The following RDH14 variants were observed in gnomAD, a reference collection of about 807,000 sequenced individuals.
RDH14 encodes retinol dehydrogenase 14.
A neutral mutation model predicts 19.3 loss-of-function variants in RDH14; 17 were observed. The observed-to-expected ratio is 0.88, with a 90% CI of 0.60 to 1.32. The LOEUF (loss-of-function observed/expected upper bound fraction) is 1.32, where lower values mean the gene tolerates loss of function less well. Ranked by LOEUF, RDH14 falls within the 40% of genes most tolerant of loss-of-function variation. The pLI is 0.00. For synonymous variants in RDH14, 215 were observed against 188.9 expected (o/e 1.14, Z -1.13); for missense variants, 534 against 449.2 (o/e 1.19, Z -1.71).
chr2:18,555,410 G>C lies in RDH14; in HGVS notation c.792C>G (p.Val264=), dbSNP rs371846340. 2.0e-5 allele frequency: 33 copies of C among 1,614,122 alleles called. No homozygotes were observed. In the African/African-American group the frequency reaches 3.6e-4, roughly 18 times the overall value. ...LGRHIHIPLL[V]KPLFNLVSWA... ...ATGACACCAAATTGAAGAGTGGTTT[G>C]ACCAACAGTGGAATGTGTATGTGCC... is the stretch of plus-strand genomic sequence containing the variant. Residue 264 remains valine (V), a synonymous_variant, in exon 2 of 2, where the codon GTC becomes GTG. Coordinates refer to ENST00000381249, the MANE Select transcript of RDH14 (RefSeq NM_020905.4).
chr2:18,560,018 G>C (rs1051912821), intron 1 of RDH14, among the ~76,000 whole-genome samples, 162 bp downstream of exon 1: 1 of 152,050 alleles, frequency 6.6e-6, no homozygotes, highest in Non-Finnish European at 1.5e-5. Flanking sequence ...GCAGCTTCCC[G>C]GCCGCCTCAA....
Position 18,560,277 on chromosome 2 carries a change from G to C in RDH14, c.296C>G (p.Pro99Arg), listed in dbSNP as rs912095346. The change falls in exon 1 of 2, where the codon CCA (proline) becomes CGA (arginine). Residue 99 changes from proline (P) to arginine (R), a missense_variant. Coordinates refer to ENST00000381249, the MANE Select transcript of RDH14 (RefSeq NM_020905.4). Reference protein sequence around the residue: ...RELRQAAECGPEPGVSGVGEL... With the variant: ...RELRQAAECGREPGVSGVGEL... ...GCCCACCCCGCTGACGCCAGGCTCT[G>C]GGCCGCACTCCGCGGCCTGGCGGAG... 1 of 1,500,106 alleles carries C rather than the reference G, an allele frequency of 6.7e-7. No individual in the cohort carries two copies. The highest frequency in any genetic ancestry group is 8.8e-7 in the Non-Finnish European group (1 of 1,132,406). 92.9% of individuals were successfully genotyped at this position (1,500,106 alleles called of 1,614,324 possible).
chr2:18,559,311 CCTCA>C (rs1238933081), intron 1 of RDH14, among the ~76,000 whole-genome samples: 2 of 152,210 alleles, frequency 1.3e-5, no homozygotes, highest in African/African-American at 4.8e-5. Context: ...AATCCTCACA[CCTCA>C]CTGCCAGGCA....
rs371317103 is a variant in RDH14, at chr2:18,559,394, T to G, written c.393+786A>C. 7.9e-4 allele frequency among the ~76,000 whole-genome samples: 121 copies of G among 152,346 alleles called. No individual in the cohort carries two copies. The South Asian group carries it at 0.015, about 19-fold the overall frequency. On this transcript the variant is annotated intron_variant, in intron 1 of 1. Transcript: ENST00000381249. ...AGACCACAAGCAAGTTTCTTAGCCTTCCTATGCCTCAGTTTCCTCGCGTTG... is the reference window on the plus strand; with the variant it reads ...AGACCACAAGCAAGTTTCTTAGCCTGCCTATGCCTCAGTTTCCTCGCGTTG...
chr2:18,560,158 C>T (rs1203239781), intron 1 of RDH14, 22 bp downstream of exon 1: 1 of 1,522,892 alleles, frequency 6.6e-7, no homozygotes, highest in East Asian at 2.5e-5. Flanking sequence ...TCCCCACCAG[C>T]CCGGCCCCCC....
At chr2:18,558,221 C>G (rs932655363) in intron 1 of RDH14, among the ~76,000 whole-genome samples, 2 of 152,200 alleles carry the variant, frequency 1.3e-5, no homozygotes, top group African/African-American at 4.8e-5. Context: ...CAATCTGATT[C>G]CAAGGTTTCA....
rs1663982785 is a variant in RDH14 at position 18,558,422 on chromosome 2, C to T, written c.393+1758G>A. On this transcript the variant is annotated intron_variant, in intron 1 of 1. Transcript: ENST00000381249. ...ATCTCAGAACCCAAAATCACTAAGT[C>T]AAAGGTTAAAGTCAAGCTGGGAACT... Among the ~76,000 whole-genome samples, 3 of 152,300 alleles carry T rather than the reference C, an allele frequency of 2.0e-5. No homozygotes were observed. The South Asian group carries it at 6.2e-4, about 32-fold the overall frequency.
rs1256393640 is a variant in RDH14, at chr2:18,555,182, T to A, written c.*9A>T. 2.5e-6 allele frequency: 4 copies of A among 1,611,040 alleles called. No individual in the cohort carries two copies. Among genetic ancestry groups the A allele is most frequent in the Non-Finnish European group, 3.4e-6 (4 of 1,178,006 alleles). On this transcript the variant is annotated 3_prime_UTR_variant, in exon 2 of 2. Transcript: ENST00000381249. ...GCAGTTTTATAAACAGCTCTTTTAC[T>A]CCTTGTTCCTATTTTAGCAGGCCAA...
rs1177349575 is a variant in RDH14 at position 18,560,609 on chromosome 2, G to A, written c.-37C>T. On this transcript the variant is annotated 5_prime_UTR_variant, in exon 1 of 2. Transcript: ENST00000381249. ...AGGGCCCACCGGCCCCTCCACGGGAGTTCCGCAGCCGCCGCCTTACCGGAA... is the reference window on the plus strand; with the variant it reads ...AGGGCCCACCGGCCCCTCCACGGGAATTCCGCAGCCGCCGCCTTACCGGAA... 12 of 1,389,738 alleles carry A rather than the reference G, an allele frequency of 8.6e-6. No homozygotes were observed. The highest frequency in any genetic ancestry group is 1.6e-5 in the South Asian group (1 of 62,166). 86.1% of individuals were successfully genotyped at this position (1,389,738 alleles called of 1,614,324 possible).
chr2:18,560,195 G>T lies in RDH14; in HGVS notation c.378C>A (p.Cys126Ter), dbSNP rs1478161138. ...LASLRSVRAF[C>*]QEMLQEEPRL... ...AGGCCCACACCTGGAGCATTTCCTG[G>T]CAGAAGGCGCGCACCGAGCGCAGCG... The change falls in exon 1 of 2, where the codon TGC (cysteine) becomes TGA (stop). Residue 126 changes from cysteine (C) to a stop codon, truncating the protein, a stop_gained. Transcript: ENST00000381249. LOFTEE classifies it high-confidence loss of function. 5 of 1,528,016 alleles carry T rather than the reference G, an allele frequency of 3.3e-6. No individual in the cohort carries two copies. Among genetic ancestry groups the T allele is most frequent in the Non-Finnish European group, 4.4e-6 (5 of 1,144,090 alleles). 94.7% of individuals were successfully genotyped at this position (1,528,016 alleles called of 1,614,324 possible).
intron 1 of RDH14, among the ~76,000 whole-genome samples, chr2:18,556,681 T>C (rs561602795): frequency 2.0e-5 from 3 of 152,352 alleles, no homozygotes; most frequent in African/African-American, 7.2e-5. Context: ...TTTTCTTAAT[T>C]AGTAAGCTGG....
chr2:18,555,930 C>G lies in RDH14; in HGVS notation c.394-122G>C. 12 of 1,455,046 alleles carry G rather than the reference C, an allele frequency of 8.2e-6. 1 individual carries two copies. In the South Asian group the frequency reaches 1.9e-4, roughly 23 times the overall value. 90.1% of individuals were successfully genotyped at this position (1,455,046 alleles called of 1,614,324 possible). A position where few individuals can be genotyped will look rare whatever the true frequency, so the allele number is the denominator to read the frequency against. On this transcript the variant is annotated intron_variant, in intron 1 of 1. Transcript: ENST00000381249. ...ACTTGAGACTAAAAGCATTTAATTT[C>G]AGTTGTTGGTCTATCGATCAGAGAA... is the stretch of plus-strand genomic sequence containing the variant.
At position 18,555,480 on chromosome 2, in the gene RDH14, G is replaced by C; in HGVS notation, c.722C>G (p.Thr241Ser). 2.5e-6 allele frequency: 4 copies of C among 1,614,176 alleles called. No individual in the cohort carries two copies. The highest frequency in any genetic ancestry group is 3.4e-6 in the Non-Finnish European group (4 of 1,180,010). Reference protein sequence around the residue: ...LARRLEGTNVTVNVLHPGIVR... With the variant: ...LARRLEGTNVSVNVLHPGIVR... ...AATACCAGGATGCAACACATTGACG[G>C]TGACATTTGTGCCTTCTAAGCGGCG... is the stretch of plus-strand genomic sequence containing the variant. The change falls in exon 2 of 2, where the codon ACC (threonine) becomes AGC (serine). Residue 241 changes from threonine (T) to serine (S), a missense_variant. Physicochemically the swap from Thr to Ser is moderately conservative, Grantham distance 58. Coordinates refer to ENST00000381249, the MANE Select transcript of RDH14 (RefSeq NM_020905.4).
rs1393557077 is a variant in RDH14 at position 18,555,789 on chromosome 2, A to G, written c.413T>C (p.Val138Ala). The change falls in exon 2 of 2, where the codon GTC becomes GCC. Residue 138 changes from valine to alanine, a missense_variant. Transcript: ENST00000381249. Reference sequence around the variant, plus strand: ...GAAGATCCCTGCGTTATTGATCAAGACATCCAGCCTAGGCTCTTCCTTTAA... The same window carrying G: ...GAAGATCCCTGCGTTATTGATCAAGGCATCCAGCCTAGGCTCTTCCTTTAA... ...EMLQEEPRLD[V>A]LINNAGIFQC... 1 of 1,610,906 alleles carries G rather than the reference A, an allele frequency of 6.2e-7. No homozygotes were observed. Among genetic ancestry groups the G allele is most frequent in the African/African-American group, 1.3e-5 (1 of 74,868 alleles).
chr2:18,555,959 C>G lies in RDH14; in HGVS notation c.394-151G>C, dbSNP rs531059931. The G allele has an allele frequency of 3.0e-6, 4 of 1,319,958 alleles. No homozygotes were observed. The East Asian group carries it at 9.9e-5, about 33-fold the overall frequency. The allele number at this position is 1,319,958 out of a possible 1,614,324, so 81.8% of individuals were successfully genotyped here. ...TGTTGGTCTATCGATCAGAGAACTACTTGAAACACTGGCAATTTTGTGTTT... is the reference window on the plus strand; with the variant it reads ...TGTTGGTCTATCGATCAGAGAACTAGTTGAAACACTGGCAATTTTGTGTTT... On this transcript the variant is annotated intron_variant, in intron 1 of 1. Coordinates refer to ENST00000381249, the MANE Select transcript of RDH14 (RefSeq NM_020905.4).
intron 1 of RDH14, 100 bp from the exon 2 acceptor site, chr2:18,555,908 T>C: frequency 6.7e-7 from 1 of 1,489,188 alleles, no homozygotes; most frequent in South Asian, 1.5e-5. Flanking sequence ...AATGGGCACT[T>C]GAGACTAAAA....
Position 18,560,496 on chromosome 2 carries a change from C to A in RDH14, c.77G>T (p.Gly26Val). The A allele has an allele frequency of 6.6e-7, 1 of 1,513,744 alleles. No individual in the cohort carries two copies. The highest frequency in any genetic ancestry group is 8.8e-7 in the Non-Finnish European group (1 of 1,138,994). 93.8% of individuals were successfully genotyped at this position (1,513,744 alleles called of 1,614,324 possible). A position where few individuals can be genotyped will look rare whatever the true frequency, so the allele number is the denominator to read the frequency against. Residue 26 changes from glycine to valine, a missense_variant, in exon 1 of 2, where the codon GGG (glycine) becomes GTG (valine). Transcript: ENST00000381249. ...TCTGCGCAGCCGCTGGACCCTGGGC[C>A]CCACGAACCGGCGGGCCGCCAGCCA... Reference protein sequence around the residue: ...ALWLAARRFVGPRVQRLRRGG... With the variant: ...ALWLAARRFVVPRVQRLRRGG...
At position 18,555,069 on chromosome 2, in the gene RDH14, T is replaced by TA; in HGVS notation, c.*121dup. The TA allele has an allele frequency of 6.9e-7, 1 of 1,455,638 alleles. No homozygotes were observed. The highest frequency in any genetic ancestry group is 9.2e-7 in the Non-Finnish European group (1 of 1,090,756). The allele number at this position is 1,455,638 out of a possible 1,614,324, so 90.2% of individuals were successfully genotyped here. A position where few individuals can be genotyped will look rare whatever the true frequency, so the allele number is the denominator to read the frequency against. ...CTCCAAAATACCCACATGTACCTCT[T>TA]AGCAGGCTATTCCAATATCAAAATT... On this transcript the variant is annotated 3_prime_UTR_variant, in exon 2 of 2. Transcript: ENST00000381249.
chr2:18,557,351 C>G (rs1451063533), intron 1 of RDH14, among the ~76,000 whole-genome samples: 1 of 152,152 alleles, frequency 6.6e-6, no homozygotes, highest in Non-Finnish European at 1.5e-5. Context: ...CAACTGTTAT[C>G]GAAGCCCACC....
Sources: allele counts gnomAD v4.1 joint callset (sites outside exome capture counted in the v4.1 genomes callset), GRCh38; gene constraint gnomAD v4.1.1; transcripts MANE v1.5; gene names NCBI Gene and HGNC (gene_info 2026-07-23, HGNC 2026-07-21).